The following ZNG1E variants were observed in gnomAD, a reference collection of about 807,000 sequenced individuals.
ZNG1E encodes zinc-regulated GTPase metalloprotein activator 1E.
chr9:65,716,407 C>T, the ZNG1E span, among the ~76,000 whole-genome samples: 2 of 151,692 alleles, frequency 1.3e-5, no homozygotes, highest in East Asian at 3.9e-4. Flanking sequence ...ATCCTCATGC[C>T]TCAGCCTCCC....
At chr9:65,721,079 A>G in the ZNG1E span, among the ~76,000 whole-genome samples, 6 of 149,826 alleles carry the variant, frequency 4.0e-5, no homozygotes, top group Non-Finnish European at 8.8e-5. Context: ...GCCAAGAATC[A>G]TAGGGATGAA....
chr9:65,699,083 A>ATT, the ZNG1E span, among the ~76,000 whole-genome samples: 4 of 147,274 alleles, frequency 2.7e-5, no homozygotes, highest in East Asian at 2.0e-4. Context: ...TATTTATTTT[A>ATT]TTTTATTTTA....
At chr9:65,703,609 T>C in the ZNG1E span, 11 of 937,306 alleles carry the variant, frequency 1.2e-5, no homozygotes, top group Admixed American at 6.2e-4. Context: ...TTTTTTTTTT[T>C]TTTTTGTGGT....
the ZNG1E span, chr9:65,704,327 A>AT: frequency 2.1e-5 from 1 of 47,762 alleles, no homozygotes; most frequent in Non-Finnish European, 2.5e-5. Flanking sequence ...TTGCTTTATT[A>AT]TAGAACAATA....
At chr9:65,658,347 A>G in the ZNG1E span, among the ~76,000 whole-genome samples, 2 of 151,876 alleles carry the variant, frequency 1.3e-5, no homozygotes, top group African/African-American at 2.4e-5. Flanking sequence ...ATTCAGAGAA[A>G]GTTTGGATGA....
chr9:65,661,013 G>T, the ZNG1E span, among the ~76,000 whole-genome samples: 71 of 147,382 alleles, frequency 4.8e-4, no homozygotes, highest in African/African-American at 1.5e-3. Flanking sequence ...AAAGTGGATG[G>T]CCACAACTTG....
chr9:65,660,302 A>G, the ZNG1E span, among the ~76,000 whole-genome samples: 2 of 110,994 alleles, frequency 1.8e-5, 1 homozygote, highest in Non-Finnish European at 3.5e-5. Context: ...TGAATTAATG[A>G]TAATATATAT....
the ZNG1E span, among the ~76,000 whole-genome samples, chr9:65,667,110 C>T: frequency 2.8e-4 from 43 of 152,376 alleles, no homozygotes; most frequent in African/African-American, 1.9e-4. Flanking sequence ...TGTGAGCCAC[C>T]GTACCCGGCC....
At chr9:65,663,797 A>G in the ZNG1E span, among the ~76,000 whole-genome samples, 4 of 149,538 alleles carry the variant, frequency 2.7e-5, no homozygotes, top group African/African-American at 7.5e-5. Context: ...ATAATTTTAT[A>G]TGCCTCTTGT....
At chr9:65,684,790 C>A in the ZNG1E span, among the ~76,000 whole-genome samples, 5 of 152,216 alleles carry the variant, frequency 3.3e-5, no homozygotes, top group Non-Finnish European at 7.3e-5. Flanking sequence ...TACTGTACAG[C>A]CATACTGCAG....
the ZNG1E span, among the ~76,000 whole-genome samples, chr9:65,702,805 AT>A: frequency 1.6e-5 from 1 of 62,904 alleles, no homozygotes; most frequent in African/African-American, 6.7e-5. Context: ...AATCATAATT[AT>A]TTTTTAAAGC....
At chr9:65,667,205 A>T in the ZNG1E span, among the ~76,000 whole-genome samples, 3 of 152,202 alleles carry the variant, frequency 2.0e-5, no homozygotes. Flanking sequence ...CAATATGTGA[A>T]CTCATCTTTC....
the ZNG1E span, among the ~76,000 whole-genome samples, chr9:65,688,235 AATT>A: frequency 7.9e-6 from 1 of 126,604 alleles, no homozygotes; most frequent in Admixed American, 8.6e-5. Flanking sequence ...ATTATTAATT[AATT>A]GGTTAAGTCA....
At chr9:65,688,132 G>A in the ZNG1E span, among the ~76,000 whole-genome samples, 1 of 150,694 alleles carries the variant, frequency 6.6e-6, no homozygotes, top group African/African-American at 2.4e-5. Context: ...GTTTTCTCCA[G>A]TGTCTGTCCT....
At chr9:65,685,043 TAAAAAAAA>T in the ZNG1E span, among the ~76,000 whole-genome samples, 39 of 107,706 alleles carry the variant, frequency 3.6e-4, no homozygotes, top group Admixed American at 5.1e-4. Context: ...CCCCATTTCT[TAAAAAAAA>T]AAAAAAAAAA....
At chr9:65,709,425 AT>A in the ZNG1E span, among the ~76,000 whole-genome samples, 1 of 144,654 alleles carries the variant, frequency 6.9e-6, no homozygotes, top group Admixed American at 6.9e-5. Flanking sequence ...ATATGTATAC[AT>A]GTGCCATGCT....
the ZNG1E span, among the ~76,000 whole-genome samples, chr9:65,680,497 C>A: frequency 6.6e-6 from 1 of 151,824 alleles, no homozygotes; most frequent in African/African-American, 2.4e-5. Flanking sequence ...CAATACTTTT[C>A]TTCATGTTTC....
chr9:65,658,623 C>G, the ZNG1E span, among the ~76,000 whole-genome samples: 1 of 149,742 alleles, frequency 6.7e-6, no homozygotes, highest in Non-Finnish European at 1.5e-5. Context: ...TCCCAAGGCA[C>G]ATTATTTGTG....
chr9:65,660,820 G>A, the ZNG1E span, among the ~76,000 whole-genome samples: 1 of 111,358 alleles, frequency 9.0e-6, no homozygotes, highest in Non-Finnish European at 1.8e-5. Context: ...TGTGGTTGTG[G>A]TTATACAGAT....
Sources: allele counts gnomAD v4.1 joint callset (sites outside exome capture counted in the v4.1 genomes callset), GRCh38; gene constraint gnomAD v4.1.1; transcripts MANE v1.5; gene names NCBI Gene and HGNC (gene_info 2026-07-23, HGNC 2026-07-21).